The following OSCP1 variants were observed in gnomAD, a reference collection of about 807,000 sequenced individuals.
The protein encoded by OSCP1 is protein OSCP1.
Under a neutral mutation model 45.1 loss-of-function variants are expected in OSCP1, and 35 were observed. The observed-to-expected ratio is 0.78, with a 90% CI of 0.59 to 1.03. OSCP1 has a LOEUF of 1.03. Ranked by LOEUF, OSCP1 falls within the 50% of genes least tolerant of loss-of-function variation. The pLI, the probability that OSCP1 is intolerant of heterozygous loss-of-function variation, is 0.00. For missense variants in OSCP1, 400 were observed against 470.7 expected (o/e 0.85, Z 1.39); for synonymous variants, 179 against 180.1 (o/e 0.99, Z 0.05).
chr1:36,439,637 T>C (rs968690827), intron 1 of OSCP1, among the ~76,000 whole-genome samples: 4 of 152,144 alleles, frequency 2.6e-5, no homozygotes, highest in Admixed American at 6.6e-5. Flanking sequence ...CTCCTGAAAA[T>C]AGACAAGTCT....
At chr1:36,448,326 C>G (rs1259989499) in intron 1 of OSCP1, among the ~76,000 whole-genome samples, 3 of 152,110 alleles carry the variant, frequency 2.0e-5, no homozygotes, top group Non-Finnish European at 4.4e-5. Flanking sequence ...TGCCACTAGC[C>G]TGAATGAAAT....
At chr1:36,448,510 G>A (rs1348912249) in intron 1 of OSCP1, among the ~76,000 whole-genome samples, 4 of 152,150 alleles carry the variant, frequency 2.6e-5, no homozygotes, top group Non-Finnish European at 5.9e-5. Flanking sequence ...ACAATCAAGC[G>A]GGAGATAGAC....
chr1:36,421,634 C>T (rs991854077), intron 7 of OSCP1, among the ~76,000 whole-genome samples: 2 of 152,176 alleles, frequency 1.3e-5, no homozygotes, highest in African/African-American at 2.4e-5. Flanking sequence ...GTCCCTGGGT[C>T]CCCAGCCCAT....
chr1:36,424,974 A>G (rs990055623), intron 4 of OSCP1, among the ~76,000 whole-genome samples: 2 of 151,994 alleles, frequency 1.3e-5, no homozygotes, highest in Admixed American at 1.3e-4. Flanking sequence ...GGAGTTCGAG[A>G]CCAGCCTGGC....
At chr1:36,445,414 A>G (rs568218838) in intron 1 of OSCP1, among the ~76,000 whole-genome samples, 2 of 152,382 alleles carry the variant, frequency 1.3e-5, no homozygotes, top group African/African-American at 4.8e-5. Flanking sequence ...ATTTGCCACT[A>G]GATTGTGGTA....
intron 4 of OSCP1, among the ~76,000 whole-genome samples, chr1:36,426,072 T>G: frequency 6.6e-6 from 1 of 152,132 alleles, no homozygotes; most frequent in Non-Finnish European, 1.5e-5. Context: ...GTCAGAGGGT[T>G]TGCTGGATGA....
At chr1:36,448,017 C>T in intron 1 of OSCP1, 2 of 344,356 alleles carry the variant, frequency 5.8e-6, no homozygotes, top group South Asian at 4.2e-5. Context: ...TTCCAAGGGC[C>T]TTGTCCAGAC....
intron 7 of OSCP1, 193 bp downstream of exon 7, chr1:36,421,957 G>T (rs958578206): frequency 1.8e-5 from 11 of 605,788 alleles, no homozygotes; most frequent in Non-Finnish European, 2.9e-5. Context: ...TACCTAATTA[G>T]TGAGATCACT....
chr1:36,418,629 A>T (rs1448417542), intron 9 of OSCP1: 2 of 336,200 alleles, frequency 5.9e-6, no homozygotes, highest in Admixed American at 4.6e-5. Context: ...GGAAAGGAGG[A>T]AGGGAGGCTG....
At chr1:36,434,233 T>C (rs1648562336) in intron 2 of OSCP1, among the ~76,000 whole-genome samples, 1 of 151,794 alleles carries the variant, frequency 6.6e-6, no homozygotes, top group Non-Finnish European at 1.5e-5. Flanking sequence ...CGTGTATATA[T>C]ATTACCTCAT....
chr1:36,427,299 CTTT>C (rs71053929), intron 4 of OSCP1, among the ~76,000 whole-genome samples: 3 of 96,306 alleles, frequency 3.1e-5, no homozygotes, highest in Non-Finnish European at 5.7e-5. Flanking sequence ...GGCGCCTGGC[CTTT>C]TTTTTTTTTT....
At chr1:36,431,059 T>C (rs552398632) in intron 4 of OSCP1, among the ~76,000 whole-genome samples, 1 of 152,280 alleles carries the variant, frequency 6.6e-6, no homozygotes, top group African/African-American at 2.4e-5. Flanking sequence ...GGTGGTGCCC[T>C]CAAAAGAAAT....
At chr1:36,435,801 T>G (rs1229711872) in intron 2 of OSCP1, among the ~76,000 whole-genome samples, 2 of 151,846 alleles carry the variant, frequency 1.3e-5, no homozygotes, top group Non-Finnish European at 2.9e-5. Flanking sequence ...CCCAGCTAAT[T>G]TTTTGTATTT....
intron 2 of OSCP1, among the ~76,000 whole-genome samples, chr1:36,433,199 A>G (rs1185014089): frequency 6.6e-6 from 1 of 152,256 alleles, no homozygotes; most frequent in East Asian, 1.9e-4. Flanking sequence ...AAAGATCAGA[A>G]GGGAGGAACT....
In OSCP1 at chr1:36,443,811, A is replaced by T. The variant is rs75706080; in HGVS notation, c.113-4901T>A. Among the ~76,000 whole-genome samples, 512 of 152,364 alleles carry T rather than the reference A, an allele frequency of 3.4e-3. 2 individuals are homozygous for T. The highest frequency in any genetic ancestry group is 0.012 in the African/African-American group (498 of 41,584). On this transcript the variant is annotated intron_variant, in intron 1 of 9. Transcript: ENST00000235532. The stretch of plus-strand genomic sequence containing the variant: ...CAGAGTTTGCTTAGTTTTCATCTTA[A>T]CATGCTGTATTTCTTCCTCTTAAGT...
At chr1:36,441,966 G>T (rs1315135326) in intron 1 of OSCP1, among the ~76,000 whole-genome samples, 1 of 151,906 alleles carries the variant, frequency 6.6e-6, no homozygotes, top group South Asian at 2.1e-4. Flanking sequence ...AGTGGCTCAC[G>T]CCTGTAATCC....
intron 1 of OSCP1, among the ~76,000 whole-genome samples, chr1:36,448,433 T>C (rs1649668873): frequency 6.6e-6 from 1 of 152,280 alleles, no homozygotes; most frequent in African/African-American, 2.4e-5. Context: ...TCAAAAAACA[T>C]TTTGTGATCA....
At chr1:36,440,987 A>G (rs1649101788) in intron 1 of OSCP1, 1 of 152,220 alleles carries the variant, frequency 6.6e-6, no homozygotes, top group African/African-American at 2.4e-5. Flanking sequence ...ACCCAGATAA[A>G]TCAGTTCTGG....
At chr1:36,435,401 C>A (rs1250880082) in intron 2 of OSCP1, among the ~76,000 whole-genome samples, 1 of 151,902 alleles carries the variant, frequency 6.6e-6, no homozygotes, top group East Asian at 1.9e-4. Flanking sequence ...TCCACCTGGG[C>A]CTCTCAAAGT....
Sources: allele counts gnomAD v4.1 joint callset (sites outside exome capture counted in the v4.1 genomes callset), GRCh38; gene constraint gnomAD v4.1.1; transcripts MANE v1.5; gene names NCBI Gene and HGNC (gene_info 2026-07-23, HGNC 2026-07-21).